TUFT1: variants seen among roughly 807,000 people sequenced by gnomAD.
The protein encoded by TUFT1 is tuftelin.
A neutral mutation model predicts 57.8 loss-of-function variants in TUFT1; 43 were observed. The ratio of observed to expected loss-of-function variants is 0.74; its 90% CI spans 0.58 to 0.96. The LOEUF is 0.96. TUFT1 is among the 40% of genes least tolerant of loss of function. The probability of loss-of-function intolerance (pLI) is 0.00; values close to 1 mark genes in which losing one functional copy is unlikely to be tolerated. For synonymous variants in TUFT1, 166 were observed against 176.7 expected (o/e 0.94, Z 0.48); for missense variants, 459 against 489.0 (o/e 0.94, Z 0.58).
chr1:151,543,780 AG>A, intron 1 of TUFT1, among the ~76,000 whole-genome samples: 1 of 151,872 alleles, frequency 6.6e-6, no homozygotes, highest in East Asian at 1.9e-4. Flanking sequence ...AGAGCAGGAC[AG>A]GGTTCCTTGA....
rs114475935 is a variant in TUFT1, at chr1:151,542,112, A to G, written c.60+1686A>G. Among the ~76,000 whole-genome samples the G allele has an allele frequency of 1.4e-3, 210 of 152,342 alleles. 1 individual carries two copies. The highest frequency in any genetic ancestry group is 4.7e-3 in the African/African-American group (195 of 41,580). On this transcript the variant is annotated intron_variant, in intron 1 of 12. Transcript: ENST00000368849. The stretch of plus-strand genomic sequence containing the variant: ...GGGCTGCTTTTTGCTTGCTTGCTAT[A>G]TAGAAAAGAGATCCGGAAAGAAGTC...
chr1:151,564,911 A>C, intron 5 of TUFT1: 1 of 208,002 alleles, frequency 4.8e-6, no homozygotes, highest in Non-Finnish European at 9.6e-6. Context: ...CCTCTTATCT[A>C]TAAGGATTCT....
chr1:151,545,847 GT>G, intron 1 of TUFT1: 1 of 534,056 alleles, frequency 1.9e-6, no homozygotes, highest in South Asian at 1.4e-5. Flanking sequence ...TCTTAGACTG[GT>G]GATGGGTCAG....
intron 7 of TUFT1, among the ~76,000 whole-genome samples, chr1:151,570,134 A>T (rs1295991684): frequency 6.6e-6 from 1 of 152,140 alleles, no homozygotes; most frequent in African/African-American, 2.4e-5. Context: ...GTCACCCCCG[A>T]GTCTCCAGTG....
chr1:151,566,357 A>C, intron 6 of TUFT1, 129 bp downstream of exon 6: 1 of 725,420 alleles, frequency 1.4e-6, no homozygotes, highest in Non-Finnish European at 2.3e-6. Context: ...AGTTGACATA[A>C]AAATTCAAAC....
At chr1:151,557,896 T>G (rs1571697027) in intron 1 of TUFT1, 1 of 714,088 alleles carries the variant, frequency 1.4e-6, no homozygotes, top group East Asian at 2.7e-5. Context: ...CGAATTCCAG[T>G]TTAGAGGTGG....
chr1:151,564,431 G>A (rs529508025), intron 4 of TUFT1, 94 bp from the exon 5 acceptor site: 8 of 893,578 alleles, frequency 9.0e-6, no homozygotes, highest in East Asian at 2.6e-5. Context: ...TGCCTGACTC[G>A]CAGTACAGGC....
intron 1 of TUFT1, among the ~76,000 whole-genome samples, chr1:151,541,864 G>A (rs982752475): frequency 2.0e-5 from 3 of 152,192 alleles, no homozygotes; most frequent in Non-Finnish European, 4.4e-5. Context: ...TAAGCGACGA[G>A]TGTCTTGCTA....
chr1:151,574,798 G>T, intron 8 of TUFT1, 113 bp from the exon 9 acceptor site: 1 of 865,468 alleles, frequency 1.2e-6, no homozygotes, highest in Non-Finnish European at 1.8e-6. Context: ...GCTGCTCTTT[G>T]GCAGCTGTCC....
intron 1 of TUFT1, chr1:151,557,456 C>T (rs981708588): frequency 2.5e-5 from 34 of 1,383,404 alleles, no homozygotes; most frequent in Non-Finnish European, 3.3e-5. Flanking sequence ...ATGTTGATGC[C>T]TAAGAACCGG....
At chr1:151,572,608 T>C (rs899422036) in intron 7 of TUFT1, among the ~76,000 whole-genome samples, 2 of 152,314 alleles carry the variant, frequency 1.3e-5, no homozygotes, top group East Asian at 3.9e-4. Flanking sequence ...TGTCTCAGTC[T>C]CTCCTAGTGA....
chr1:151,554,287 T>C (rs1665601115), intron 1 of TUFT1, among the ~76,000 whole-genome samples: 2 of 152,236 alleles, frequency 1.3e-5, no homozygotes, highest in Non-Finnish European at 2.9e-5. Flanking sequence ...CAGGATCCCA[T>C]GTTAATCATT....
intron 1 of TUFT1, among the ~76,000 whole-genome samples, chr1:151,546,261 A>G (rs988641098): frequency 6.6e-6 from 1 of 152,108 alleles, no homozygotes; most frequent in East Asian, 1.9e-4. Flanking sequence ...TCAGAAGCTC[A>G]AGTAGTTTAA....
At chr1:151,553,544 G>A (rs768596310) in intron 1 of TUFT1, among the ~76,000 whole-genome samples, 8 of 152,172 alleles carry the variant, frequency 5.3e-5, no homozygotes, top group Non-Finnish European at 1.0e-4. Flanking sequence ...CCCGGGATGG[G>A]GAGGGGAGGA....
intron 1 of TUFT1, among the ~76,000 whole-genome samples, chr1:151,546,829 C>T (rs1010174235): frequency 6.6e-6 from 1 of 152,080 alleles, no homozygotes; most frequent in Admixed American, 6.5e-5. Context: ...AATGCTGCTA[C>T]GAACTTTGGT....
chr1:151,581,522 A>G (rs1050440470), intron 12 of TUFT1, 122 bp from the exon 13 acceptor site: 6 of 904,218 alleles, frequency 6.6e-6, no homozygotes, highest in Non-Finnish European at 1.0e-5. Flanking sequence ...AACCCAAGTG[A>G]TCAGCCAGCA....
intron 1 of TUFT1, among the ~76,000 whole-genome samples, chr1:151,541,361 C>T (rs1005625224): frequency 2.6e-5 from 4 of 152,180 alleles, no homozygotes; most frequent in African/African-American, 9.7e-5. Flanking sequence ...TTTTTCCTCT[C>T]CAGAGGCTGA....
Position 151,574,961 on chromosome 1 carries a change from G to A in TUFT1, c.774G>A (p.Glu258=), listed in dbSNP as rs1187322749. 3 of 1,576,716 alleles carry A rather than the reference G, an allele frequency of 1.9e-6. No homozygotes were observed. The highest frequency in any genetic ancestry group is 2.6e-6 in the Non-Finnish European group (3 of 1,160,812). ...TGAGGGAAGGGGAGGTGGCCCTAGA[G>A]GAACTTCGGAGCAACAATGCTGACT... The part of the protein sequence containing the change: ...AKVREGEVAL[E]ELRSNNADCQ... Residue 258 remains glutamate (E), a synonymous_variant, in exon 9 of 13, where the codon GAG becomes GAA. Transcript: ENST00000368849.
chr1:151,580,619 G>A (rs1472460284), intron 11 of TUFT1, among the ~76,000 whole-genome samples: 3 of 138,236 alleles, frequency 2.2e-5, no homozygotes, highest in East Asian at 2.2e-4. Flanking sequence ...CTATAATCAC[G>A]CCACTGCACT....
Sources: gnomAD v4.1 joint callset for allele counts (sites outside exome capture counted in the v4.1 genomes callset) on GRCh38, gnomAD v4.1.1 for gene constraint, MANE v1.5 for transcripts, NCBI Gene and HGNC (gene_info 2026-07-23, HGNC 2026-07-21) for gene names.